THRB: variants seen among roughly 807,000 people sequenced by gnomAD.
THRB encodes thyroid hormone receptor beta, also known as nuclear receptor subfamily 1 group A member 2.
THRB carries 12 observed loss-of-function variants against 47.8 expected under a neutral mutation model. The ratio of observed to expected loss-of-function variants is 0.25; its 90% confidence interval spans 0.16 to 0.41. The LOEUF (loss-of-function observed/expected upper bound fraction) is 0.41. Ranked by LOEUF, THRB falls within the 10% of genes least tolerant of loss-of-function variation. The pLI, the probability that THRB is intolerant of heterozygous loss-of-function variation, is 1.00. For missense variants in THRB, 348 were observed against 589.2 expected (o/e 0.59, Z 4.24); for synonymous variants, 218 against 212.2 (o/e 1.03, Z -0.24).
At chr3:24,318,992 G>A (rs899727080) in intron 2 of THRB, among the ~76,000 whole-genome samples, 1 of 152,184 alleles carries the variant, frequency 6.6e-6, no homozygotes, top group Non-Finnish European at 1.5e-5. Context: ...GACATTCAAC[G>A]TTTATGACTC....
chr3:24,326,739 A>C lies in THRB; in HGVS notation c.-189+10561T>G, dbSNP rs541728138. On this transcript the variant is annotated intron_variant, in intron 2 of 10. Coordinates refer to ENST00000646209, the MANE Select transcript of THRB (RefSeq NM_001354712.2). ...GGCCTTGGTATGGTTTCTTCACTAGAAGCTGTCCAGTCTTGTCTTTTTTTT... is the reference window on the plus strand; with the variant it reads ...GGCCTTGGTATGGTTTCTTCACTAGCAGCTGTCCAGTCTTGTCTTTTTTTT... Among the ~76,000 whole-genome samples, 3 of 134,270 alleles carry C rather than the reference A, an allele frequency of 2.2e-5. No individual in the cohort carries two copies. The South Asian group carries it at 7.2e-4, about 32-fold the overall frequency. 88.1% of individuals were successfully genotyped at this position (134,270 alleles called of 152,430 possible). A position where few individuals can be genotyped will look rare whatever the true frequency, so the allele number is the denominator to read the frequency against.
intron 1 of THRB, among the ~76,000 whole-genome samples, chr3:24,477,730 G>T (rs1014909813): frequency 4.0e-5 from 6 of 151,880 alleles, no homozygotes; most frequent in Non-Finnish European, 7.4e-5. Flanking sequence ...AGCAAAAGAA[G>T]GCAACATCGG....
At chr3:24,469,050 A>T (rs1175420864) in intron 1 of THRB, among the ~76,000 whole-genome samples, 1 of 152,162 alleles carries the variant, frequency 6.6e-6, no homozygotes, top group Non-Finnish European at 1.5e-5. Flanking sequence ...ACACATCCCC[A>T]TGGCTTTGCC....
Position 24,143,479 on chromosome 3 carries a change from G to C in THRB, c.738+22C>G, listed in dbSNP as rs539779812. 4.3e-6 allele frequency: 7 copies of C among 1,611,898 alleles called. No individual in the cohort carries two copies. In the South Asian group the frequency reaches 7.7e-5, roughly 18 times the overall value. ...AAAACACTGGCATATAAGTGAAACT[G>C]ATCTGTGCAAGGAAGCCTTACCAGG... On this transcript the variant is annotated intron_variant, in intron 8 of 10. Transcript: ENST00000646209.
chr3:24,413,572 A>AC (rs1553751660), intron 1 of THRB, among the ~76,000 whole-genome samples: 1 of 151,432 alleles, frequency 6.6e-6, no homozygotes, highest in Non-Finnish European at 1.5e-5. Context: ...TTCATCTCTG[A>AC]TTTTTTTTAT....
intron 3 of THRB, among the ~76,000 whole-genome samples, chr3:24,235,480 GCTCT>G (rs947739962): frequency 6.6e-5 from 10 of 151,920 alleles, no homozygotes; most frequent in Admixed American, 5.3e-4. Context: ...CTTCTCCTTG[GCTCT>G]CTCAGGAGGA....
chr3:24,486,612 C>T (rs1697340697), intron 1 of THRB: 1 of 152,140 alleles, frequency 6.6e-6, no homozygotes, highest in Non-Finnish European at 1.5e-5. Context: ...TTTATGAACC[C>T]ATAGAGTGGG....
At chr3:24,292,346 G>A (rs2056013760) in intron 3 of THRB, among the ~76,000 whole-genome samples, 1 of 152,134 alleles carries the variant, frequency 6.6e-6, no homozygotes, top group African/African-American at 2.4e-5. Context: ...TTACTAAAAT[G>A]CTTTTTTAAG....
chr3:24,463,658 T>C (rs1440779322), intron 1 of THRB, among the ~76,000 whole-genome samples: 19 of 152,206 alleles, frequency 1.2e-4, no homozygotes, highest in Non-Finnish European at 4.4e-5. Context: ...AAATAAAATA[T>C]GCTGCTTGGG....
chr3:24,366,743 C>T (rs2064500923), intron 1 of THRB, among the ~76,000 whole-genome samples: 1 of 151,750 alleles, frequency 6.6e-6, no homozygotes, highest in Admixed American at 6.6e-5. Context: ...GCCTCAGCCT[C>T]CCGAGAAGCT....
At chr3:24,457,793 A>G (rs889136501) in intron 1 of THRB, among the ~76,000 whole-genome samples, 1 of 152,200 alleles carries the variant, frequency 6.6e-6, no homozygotes, top group African/African-American at 2.4e-5. Context: ...GGAGTGTAAG[A>G]CACTGTGTAG....
intron 3 of THRB, among the ~76,000 whole-genome samples, chr3:24,286,740 G>A (rs920835843): frequency 6.6e-6 from 1 of 152,092 alleles, no homozygotes; most frequent in Admixed American, 6.5e-5. Flanking sequence ...TTATGTCAAA[G>A]TTTTCTCATT....
At chr3:24,471,037 A>G (rs1342085042) in intron 1 of THRB, among the ~76,000 whole-genome samples, 1 of 152,162 alleles carries the variant, frequency 6.6e-6, no homozygotes, top group Non-Finnish European at 1.5e-5. Flanking sequence ...CTTAATATTA[A>G]CTGGTTGCCT....
chr3:24,212,577 C>CAAA (rs1199010853), intron 4 of THRB, among the ~76,000 whole-genome samples: 1,028 of 83,616 alleles, frequency 0.012, 26 homozygotes, highest in Non-Finnish European at 0.015. Context: ...GACTCCGTCT[C>CAAA]AAAAAAAAAA....
intron 3 of THRB, among the ~76,000 whole-genome samples, chr3:24,258,263 C>T (rs774608970): frequency 1.3e-5 from 2 of 152,116 alleles, no homozygotes; most frequent in African/African-American, 4.8e-5. Context: ...AGGCCCTGTC[C>T]GTCTGAGGCA....
intron 1 of THRB, among the ~76,000 whole-genome samples, chr3:24,416,659 C>T (rs908201030): frequency 4.0e-5 from 6 of 151,870 alleles, no homozygotes; most frequent in East Asian, 3.9e-4. Flanking sequence ...CTATTAACCT[C>T]GTTCTATCCC....
chr3:24,393,421 C>A (rs565005402), intron 1 of THRB, among the ~76,000 whole-genome samples: 3 of 152,214 alleles, frequency 2.0e-5, no homozygotes, highest in African/African-American at 7.2e-5. Context: ...TAACCTTTCA[C>A]AGAAAAGTAG....
chr3:24,267,299 G>A (rs760699329), intron 3 of THRB, among the ~76,000 whole-genome samples: 1 of 151,496 alleles, frequency 6.6e-6, no homozygotes, highest in African/African-American at 2.4e-5. Context: ...AGAACATAAG[G>A]ATTAGTGTTT....
chr3:24,422,629 C>T (rs2069375497), intron 1 of THRB, among the ~76,000 whole-genome samples: 2 of 151,876 alleles, frequency 1.3e-5, no homozygotes, highest in South Asian at 4.1e-4. Flanking sequence ...AATGTGCATT[C>T]ACTTTTTTCA....
Sources: allele counts gnomAD v4.1 joint callset (sites outside exome capture counted in the v4.1 genomes callset), GRCh38; gene constraint gnomAD v4.1.1; transcripts MANE v1.5; gene names NCBI Gene and HGNC (gene_info 2026-07-23, HGNC 2026-07-21).